The following ZNF382 variants were observed in gnomAD, a reference collection of about 807,000 sequenced individuals.
ZNF382 encodes zinc finger protein 382, also known as KRAB/zinc finger suppressor protein 1.
In ZNF382, 20 loss-of-function variants were observed where a neutral mutation model predicts 38.8. The observed-to-expected ratio is 0.51, with a 90% CI of 0.36 to 0.75. The LOEUF is 0.75. Among genes scored for constraint, ZNF382 ranks in the 30% least tolerant of loss-of-function variants. ZNF382 has a pLI of 0.00. For synonymous variants in ZNF382, 202 were observed against 223.1 expected, an observed-to-expected ratio of 0.91 and a Z score of 0.84; for missense variants, 546 against 654.1, an observed-to-expected ratio of 0.83 and a Z score of 1.80.
chr19:36,626,796 A>G lies in ZNF382; in HGVS notation c.899A>G (p.Tyr300Cys), dbSNP rs754606946. 1 of 1,614,238 alleles carries G rather than the reference A, an allele frequency of 6.2e-7. No individual in the cohort carries two copies. Among genetic ancestry groups the G allele is most frequent in the South Asian group, 1.1e-5 (1 of 91,092 alleles). ...QTEEKPFHCP[Y>C]CGNNFRRKSY... ...GAAGAGAAACCCTTTCACTGTCCTT[A>G]CTGTGGGAATAACTTTAGAAGGAAG... Residue 300 changes from tyrosine (Y) to cysteine (C), a missense_variant, in exon 5 of 5, where the codon TAC becomes TGC. Tyr to Cys is a radical substitution (Grantham distance 194). Coordinates refer to ENST00000292928, the MANE Select transcript of ZNF382 (RefSeq NM_032825.5).
chr19:36,610,781 A>C, intron 4 of ZNF382, 39 bp downstream of exon 4: 53 of 1,451,596 alleles, frequency 3.7e-5, no homozygotes, highest in Non-Finnish European at 4.4e-5. Flanking sequence ...ATTAAATGTC[A>C]AGTAGTTGAA....
chr19:36,630,239 C>T lies in ZNF382; in HGVS notation c.*2689C>T, dbSNP rs534593731. The T allele has an allele frequency of 6.6e-5, 10 of 152,214 alleles. No individual in the cohort carries two copies. Among genetic ancestry groups the T allele is most frequent in the East Asian group, 5.8e-4 (3 of 5,184 alleles). The allele number at this position is 152,214 out of a possible 1,614,324, so 9.4% of individuals were successfully genotyped here. On this transcript the variant is annotated 3_prime_UTR_variant, in exon 5 of 5. Transcript: ENST00000292928. ...AATGCGATCTATCCTCAAAAGACCC[C>T]GTGCTGTCATTTCTCAACAAAGGCG...
rs1286520496 is a variant in ZNF382 at position 36,631,130 on chromosome 19, T to C, written c.*3580T>C. On this transcript the variant is annotated 3_prime_UTR_variant, in exon 5 of 5. Transcript: ENST00000292928. ...ATTGATAAATACAGCATTGCATCAC[T>C]TAATAGGGATACATTCTGAGAAATG... The C allele has an allele frequency of 6.6e-6, 1 of 152,066 alleles. No homozygotes were observed. Among genetic ancestry groups the C allele is most frequent in the Non-Finnish European group, 1.5e-5 (1 of 68,034 alleles). 9.4% of individuals were successfully genotyped at this position (152,066 alleles called of 1,614,324 possible). A position where few individuals can be genotyped will look rare whatever the true frequency, so the allele number is the denominator to read the frequency against.
rs377581328 is a variant in ZNF382 at position 36,610,739 on chromosome 19, C to T, written c.229C>T (p.Leu77=). Reference sequence around the variant, plus strand: ...GAGAATTTTTCCAAGTTACAGCTACCTAGGTGAGTCTATAAATGAAGTCTA... The same window carrying T: ...GAGAATTTTTCCAAGTTACAGCTACTTAGGTGAGTCTATAAATGAAGTCTA... The part of the protein sequence containing the change: ...TQRIFPSYSY[L]EEDGKTEDVL... The change falls in exon 4 of 5, where the codon CTA becomes TTA. Residue 77 remains leucine, a synonymous_variant. Coordinates refer to ENST00000292928, the MANE Select transcript of ZNF382 (RefSeq NM_032825.5). The T allele has an allele frequency of 3.7e-6, 6 of 1,609,226 alleles. No homozygotes were observed. The highest frequency in any genetic ancestry group is 2.7e-5 in the African/African-American group (2 of 74,778).
intron 1 of ZNF382, among the ~76,000 whole-genome samples, chr19:36,606,311 ATT>A (rs71171460): frequency 0.34 from 47,235 of 138,474 alleles, 8,275 homozygotes; most frequent in African/African-American, 0.46. Flanking sequence ...CATGCAGGAA[ATT>A]TTTTTTTTTT....
chr19:36,620,105 T>C (rs2037157476), intron 4 of ZNF382, among the ~76,000 whole-genome samples: 1 of 152,132 alleles, frequency 6.6e-6, no homozygotes, highest in South Asian at 2.1e-4. Flanking sequence ...AGTTTTCACT[T>C]TCTTCTCTTT....
At chr19:36,625,074 AT>A (rs2037199116) in intron 4 of ZNF382, among the ~76,000 whole-genome samples, 1 of 110,082 alleles carries the variant, frequency 9.1e-6, no homozygotes, top group Non-Finnish European at 1.9e-5. Flanking sequence ...TCTCAAAAAA[AT>A]AAAAATGAAT....
intron 4 of ZNF382, among the ~76,000 whole-genome samples, chr19:36,612,812 G>A (rs552377603): frequency 5.0e-4 from 76 of 152,264 alleles, no homozygotes; most frequent in African/African-American, 1.8e-3. Flanking sequence ...TAATTTTTGA[G>A]ACAGAGTCTC....
intron 4 of ZNF382, among the ~76,000 whole-genome samples, chr19:36,624,545 G>C (rs1320955925): frequency 6.6e-6 from 1 of 152,162 alleles, no homozygotes; most frequent in African/African-American, 2.4e-5. Flanking sequence ...AAATAGTTAA[G>C]ATTAATCAGT....
chr19:36,622,954 C>T (rs1468565284), intron 4 of ZNF382, among the ~76,000 whole-genome samples: 1 of 152,044 alleles, frequency 6.6e-6, no homozygotes, highest in Non-Finnish European at 1.5e-5. Context: ...TTATGCATTC[C>T]ATTGTACTTG....
At chr19:36,622,459 A>G (rs1221868908) in intron 4 of ZNF382, among the ~76,000 whole-genome samples, 3 of 152,212 alleles carry the variant, frequency 2.0e-5, no homozygotes, top group Non-Finnish European at 4.4e-5. Context: ...AAAGTGCCAA[A>G]CATGCAGCTT....
chr19:36,619,019 C>T (rs2037147983), intron 4 of ZNF382, among the ~76,000 whole-genome samples: 1 of 152,160 alleles, frequency 6.6e-6, no homozygotes, highest in East Asian at 1.9e-4. Flanking sequence ...GAGCAAGATT[C>T]TGTCTCCAAA....
chr19:36,616,004 C>G (rs1034665784), intron 4 of ZNF382, among the ~76,000 whole-genome samples: 2 of 152,162 alleles, frequency 1.3e-5, no homozygotes, highest in African/African-American at 2.4e-5. Flanking sequence ...TCCTACATTT[C>G]TGGGGGTGTT....
chr19:36,609,823 A>C, intron 2 of ZNF382, 79 bp from the exon 3 acceptor site: 1 of 1,323,894 alleles, frequency 7.6e-7, no homozygotes, highest in Non-Finnish European at 1.0e-6. Context: ...AACATAAATA[A>C]GGAAACTAGT....
rs754204808 is a variant in ZNF382, at chr19:36,623,331, A to G, written c.233-2799A>G. Among the ~76,000 whole-genome samples the G allele has an allele frequency of 4.8e-4, 73 of 152,220 alleles. 1 individual carries two copies. The highest frequency in any genetic ancestry group is 5.9e-4 in the Admixed American group (9 of 15,280). ...CAATAAAATGTTGACCTCCAAAAAC[A>G]TGAGTTTTAGTTGGGAAAGCAATAC... On this transcript the variant is annotated intron_variant, in intron 4 of 4. Transcript: ENST00000292928.
intron 4 of ZNF382, among the ~76,000 whole-genome samples, chr19:36,614,168 C>T (rs1270469857): frequency 2.6e-5 from 4 of 151,852 alleles, no homozygotes; most frequent in East Asian, 1.9e-4. Context: ...GGTGAAACTC[C>T]GTCTCTACTA....
chr19:36,630,727 G>A lies in ZNF382; in HGVS notation c.*3177G>A, dbSNP rs1159650971. 6.6e-6 allele frequency: 1 copy of A among 152,138 alleles called. No individual in the cohort carries two copies. The highest frequency in any genetic ancestry group is 2.4e-5 in the African/African-American group (1 of 41,426). 9.4% of individuals were successfully genotyped at this position (152,138 alleles called of 1,614,324 possible). A position where few individuals can be genotyped will look rare whatever the true frequency, so the allele number is the denominator to read the frequency against. ...ATATTTTGGCATGAAACAGCATTGG[G>A]CTGTATTCCAGAATCCTGCTTGAAG... is the stretch of plus-strand genomic sequence containing the variant. On this transcript the variant is annotated 3_prime_UTR_variant, in exon 5 of 5. Transcript: ENST00000292928.
chr19:36,626,492 C>T lies in ZNF382; in HGVS notation c.595C>T (p.Leu199Phe). 1.2e-6 allele frequency: 2 copies of T among 1,603,422 alleles called. No individual in the cohort carries two copies. Among genetic ancestry groups the T allele is most frequent in the Non-Finnish European group, 1.7e-6 (2 of 1,176,844 alleles). ...AAGAGTTCTCAGTGGTAAACAGGAG[C>T]TTATTCAGCATCAGAAGGTTCAAGC... is the stretch of plus-strand genomic sequence containing the variant. ...TERVLSGKQE[L>F]IQHQKVQAPE... Residue 199 changes from leucine (L) to phenylalanine (F), a missense_variant, in exon 5 of 5, where the codon CTT (leucine) becomes TTT (phenylalanine). Leu to Phe is a conservative substitution (Grantham distance 22). Coordinates refer to ENST00000292928, the MANE Select transcript of ZNF382 (RefSeq NM_032825.5).
In ZNF382 at chr19:36,628,293, C is replaced by T. The variant is rs559441250; in HGVS notation, c.*743C>T. The stretch of plus-strand genomic sequence containing the variant: ...GAACATACTTGTCTTGGTGTACATA[C>T]ATGTATTTCTCTTGTGTATATACTT... On this transcript the variant is annotated 3_prime_UTR_variant, in exon 5 of 5. Transcript: ENST00000292928. 6.6e-6 allele frequency: 1 copy of T among 152,612 alleles called. No individual in the cohort carries two copies. Among genetic ancestry groups the T allele is most frequent in the East Asian group, 1.9e-4 (1 of 5,184 alleles). The allele number at this position is 152,612 out of a possible 1,614,324, so 9.5% of individuals were successfully genotyped here. A position where few individuals can be genotyped will look rare whatever the true frequency, so the allele number is the denominator to read the frequency against.
Sources: allele counts gnomAD v4.1 joint callset (sites outside exome capture counted in the v4.1 genomes callset), GRCh38; gene constraint gnomAD v4.1.1; transcripts MANE v1.5; gene names NCBI Gene and HGNC (gene_info 2026-07-23, HGNC 2026-07-21).